Variants in CCDC171 observed in about 807,000 individuals in gnomAD.
CCDC171 encodes the protein coiled-coil domain-containing protein 171.
Under a neutral mutation model 168.2 loss-of-function variants are expected in CCDC171, and 177 were observed. The observed-to-expected ratio is 1.05, with a 90% CI of 0.93 to 1.19. The LOEUF is 1.19. CCDC171 is among the 50% of genes most tolerant of loss of function. CCDC171 has a pLI of 0.00. For synonymous variants in CCDC171, 687 were observed against 540.8 expected, an observed-to-expected ratio of 1.27 and a Z score of -3.75; for missense variants, 1,991 against 1,539.0, an observed-to-expected ratio of 1.29 and a Z score of -4.91.
intron 23 of CCDC171, among the ~76,000 whole-genome samples, chr9:15,850,007 C>A (rs972982810): frequency 6.6e-6 from 1 of 151,642 alleles, no homozygotes. Context: ...TATTTCTCCC[C>A]CTTCCCATTT....
At chr9:16,029,931 C>G (rs1483455629) in intron 6 of CCDC171, among the ~76,000 whole-genome samples, 1 of 152,068 alleles carries the variant, frequency 6.6e-6, no homozygotes, top group African/African-American at 2.4e-5. Flanking sequence ...AATTTATTTC[C>G]CACAGTTCTG....
At chr9:15,701,743 A>G (rs537012235) in intron 11 of CCDC171, among the ~76,000 whole-genome samples, 1 of 152,242 alleles carries the variant, frequency 6.6e-6, no homozygotes, top group African/African-American at 2.4e-5. Flanking sequence ...AACTACATTT[A>G]TGTAATATCC....
At chr9:15,679,037 T>C (rs770529742) in intron 10 of CCDC171, 141 bp downstream of exon 10, 23 of 580,024 alleles carry the variant, frequency 4.0e-5, no homozygotes, top group Non-Finnish European at 5.5e-5. Flanking sequence ...TTTCCAAAAC[T>C]GGAAATGCTG....
At chr9:15,704,166 A>C (rs1275594169) in intron 11 of CCDC171, among the ~76,000 whole-genome samples, 2 of 146,374 alleles carry the variant, frequency 1.4e-5, no homozygotes, top group East Asian at 4.3e-4. Flanking sequence ...TGAGGGAAAA[A>C]TCTACTTTAA....
At chr9:15,900,997 T>TAAAA (rs1376094112) in intron 24 of CCDC171, among the ~76,000 whole-genome samples, 2 of 152,212 alleles carry the variant, frequency 1.3e-5, no homozygotes, top group Admixed American at 1.3e-4. Flanking sequence ...ACTCTTATTT[T>TAAAA]TAAGTCAGCT....
intron 16 of CCDC171, 45 bp downstream of exon 16, chr9:15,729,843 G>A: frequency 1.3e-6 from 2 of 1,518,432 alleles, no homozygotes; most frequent in Non-Finnish European, 1.8e-6. Context: ...GTTACTCAGT[G>A]TAACCATTAG....
At chr9:15,895,904 T>A (rs1175331416) in intron 24 of CCDC171, among the ~76,000 whole-genome samples, 1 of 152,042 alleles carries the variant, frequency 6.6e-6, no homozygotes, top group African/African-American at 2.4e-5. Context: ...TCATCACTGA[T>A]CTAGTAGTAT....
chr9:15,911,819 T>G (rs929183430), intron 24 of CCDC171, among the ~76,000 whole-genome samples: 3 of 152,178 alleles, frequency 2.0e-5, no homozygotes, highest in East Asian at 1.9e-4. Flanking sequence ...TTTCCCCATT[T>G]CTTGTTTTTG....
intron 21 of CCDC171, among the ~76,000 whole-genome samples, chr9:15,809,646 C>G (rs1272197288): frequency 1.3e-5 from 2 of 152,018 alleles, no homozygotes; most frequent in Non-Finnish European, 2.9e-5. Context: ...GTTGTTCATT[C>G]CTCCTGGTGG....
intron 24 of CCDC171, chr9:15,883,260 A>C (rs938015651): frequency 6.2e-6 from 1 of 160,404 alleles, no homozygotes; most frequent in African/African-American, 2.4e-5. Flanking sequence ...CAGTCTCGCT[A>C]TGCTGCCCAG....
intron 25 of CCDC171, among the ~76,000 whole-genome samples, chr9:15,960,500 T>G (rs1248384827): frequency 6.6e-6 from 1 of 152,198 alleles, no homozygotes; most frequent in Non-Finnish European, 1.5e-5. Flanking sequence ...AGTCAATTCC[T>G]GAAATAAAGC....
intron 15 of CCDC171, among the ~76,000 whole-genome samples, chr9:15,728,723 A>T (rs895023931): frequency 4.6e-5 from 7 of 152,088 alleles, no homozygotes; most frequent in Non-Finnish European, 7.4e-5. Flanking sequence ...ACCATTAAAG[A>T]CACATTGGTT....
At chr9:15,654,082 T>G (rs1428550006) in intron 7 of CCDC171, among the ~76,000 whole-genome samples, 1 of 152,222 alleles carries the variant, frequency 6.6e-6, no homozygotes, top group Non-Finnish European at 1.5e-5. Flanking sequence ...CCTGTTATTT[T>G]TAAATACTCT....
At chr9:15,645,411 A>T (rs2046961459) in intron 7 of CCDC171, among the ~76,000 whole-genome samples, 1 of 152,238 alleles carries the variant, frequency 6.6e-6, no homozygotes, top group Non-Finnish European at 1.5e-5. Context: ...GAGTTGAGAG[A>T]AGAAGGCTTT....
At chr9:15,904,163 G>A (rs1822147028) in intron 24 of CCDC171, among the ~76,000 whole-genome samples, 1 of 152,080 alleles carries the variant, frequency 6.6e-6, no homozygotes, top group African/African-American at 2.4e-5. Context: ...TCAAATTCAG[G>A]AAATATAGAG....
rs533918293 is a variant in CCDC171 at position 15,661,193 on chromosome 9, T to G, written c.915+3974T>G. ...TACTCCGGAGGCTGAGGCAGGAGAA[T>G]GGCGTGAACCAAGGAGGTGGAGGCT... is the stretch of plus-strand genomic sequence containing the variant. On this transcript the variant is annotated intron_variant, in intron 8 of 25. Transcript: ENST00000380701. Among the ~76,000 whole-genome samples the G allele has an allele frequency of 4.1e-4, 62 of 149,508 alleles. 1 individual carries two copies. In the South Asian group the frequency reaches 0.012, roughly 30 times the overall value.
chr9:15,887,290 A>G (rs1276131476), intron 24 of CCDC171, among the ~76,000 whole-genome samples: 1 of 152,176 alleles, frequency 6.6e-6, no homozygotes, highest in African/African-American at 2.4e-5. Flanking sequence ...AGTACTGTAT[A>G]TTAAGTAACC....
At chr9:15,722,592 A>G (rs1439491478) in intron 12 of CCDC171, among the ~76,000 whole-genome samples, 2 of 152,246 alleles carry the variant, frequency 1.3e-5, no homozygotes, top group Non-Finnish European at 2.9e-5. Flanking sequence ...GCAAAGCAAC[A>G]AACAGATTGT....
intron 24 of CCDC171, among the ~76,000 whole-genome samples, chr9:15,911,234 C>T (rs558957407): frequency 4.7e-4 from 71 of 152,308 alleles, no homozygotes; most frequent in African/African-American, 1.5e-3. Context: ...TAATGACAGC[C>T]ATTCCAACTG....
Sources: allele counts gnomAD v4.1 joint callset (sites outside exome capture counted in the v4.1 genomes callset), GRCh38; gene constraint gnomAD v4.1.1; transcripts MANE v1.5; gene names NCBI Gene and HGNC (gene_info 2026-07-23, HGNC 2026-07-21).